The following ARMC9 variants were observed in gnomAD, a reference collection of about 807,000 sequenced individuals.
ARMC9 encodes lisH domain-containing protein ARMC9.
Under a neutral mutation model 107.0 loss-of-function variants are expected in ARMC9, and 94 were observed. That is an observed-to-expected ratio of 0.88 (90% CI 0.74 to 1.04). The LOEUF is 1.04. ARMC9 is among the 50% of genes least tolerant of loss of function. ARMC9 has a pLI of 0.00. For synonymous variants in ARMC9, 380 were observed against 396.9 expected (o/e 0.96, Z 0.51); for missense variants, 942 against 1,030.1 (o/e 0.91, Z 1.17).
At chr2:231,251,839 C>T (rs187920693) in intron 9 of ARMC9, among the ~76,000 whole-genome samples, 199 of 152,272 alleles carry the variant, frequency 1.3e-3, no homozygotes, top group African/African-American at 4.3e-3. Flanking sequence ...GATCCTTCCA[C>T]CTCAGCCTCC....
Position 231,262,306 on chromosome 2 carries a change from C to T in ARMC9, c.1027C>T (p.Arg343Cys), listed in dbSNP as rs759799287. 7.2e-5 allele frequency: 116 copies of T among 1,613,968 alleles called. No individual in the cohort carries two copies. The highest frequency in any genetic ancestry group is 4.3e-4 in the Admixed American group (26 of 60,004). ...KAFLLQALRW[R>C]LTTSHPGEQR... is the part of the protein sequence containing the mutation. ...CTACTTTTGTTTTTCTTTGCTCCAG[C>T]GCTTGACCACATCCCATCCTGGAGA... The change falls in exon 12 of 25, where the codon CGC (arginine) becomes TGC (cysteine). Residue 343 changes from arginine to cysteine, a missense_variant and splice_region_variant. Coordinates refer to ENST00000611582, the MANE Select transcript of ARMC9 (RefSeq NM_001352754.2).
intron 14 of ARMC9, among the ~76,000 whole-genome samples, chr2:231,275,525 A>G (rs2039682957): frequency 6.6e-6 from 1 of 152,222 alleles, no homozygotes; most frequent in Non-Finnish European, 1.5e-5. Flanking sequence ...TGCATTAACC[A>G]GGTCATTAAA....
At chr2:231,298,223 A>T (rs1574995219) in intron 19 of ARMC9, among the ~76,000 whole-genome samples, 2 of 152,276 alleles carry the variant, frequency 1.3e-5, no homozygotes, top group South Asian at 4.1e-4. Context: ...GCCAAATGGG[A>T]CTCTGTGATG....
chr2:231,224,119 A>T (rs2125336734), intron 6 of ARMC9, among the ~76,000 whole-genome samples: 1 of 152,326 alleles, frequency 6.6e-6, no homozygotes, highest in East Asian at 1.9e-4. Flanking sequence ...ATGGTAAATT[A>T]TATTAGTTAT....
intron 19 of ARMC9, among the ~76,000 whole-genome samples, chr2:231,298,997 A>G (rs146885874): frequency 2.0e-5 from 3 of 152,262 alleles, no homozygotes; most frequent in African/African-American, 4.8e-5. Flanking sequence ...CTCACTCTAA[A>G]TCACATTGAG....
chr2:231,214,829 A>G lies in ARMC9; in HGVS notation c.178-2A>G, dbSNP rs1248147660. The G allele has an allele frequency of 1.2e-6, 2 of 1,613,848 alleles. No homozygotes were observed. Among genetic ancestry groups the G allele is most frequent in the Non-Finnish European group, 1.7e-6 (2 of 1,179,824 alleles). On this transcript the variant is annotated splice_acceptor_variant, in intron 3 of 24. Transcript: ENST00000611582. LOFTEE classifies it high-confidence loss of function. ...GTATGTAGTCTGATGTCTTCTCCACAGAAGGATCTTGTCGCTGCATTTGAC... is the reference window on the plus strand; with the variant it reads ...GTATGTAGTCTGATGTCTTCTCCACGGAAGGATCTTGTCGCTGCATTTGAC...
chr2:231,263,494 T>C (rs1009983698), intron 12 of ARMC9, among the ~76,000 whole-genome samples: 1 of 152,192 alleles, frequency 6.6e-6, no homozygotes, highest in Non-Finnish European at 1.5e-5. Flanking sequence ...GCACAATAAC[T>C]AACCCACTCC....
chr2:231,264,791 C>G (rs1421822595), intron 12 of ARMC9, among the ~76,000 whole-genome samples: 1 of 152,156 alleles, frequency 6.6e-6, no homozygotes, highest in Non-Finnish European at 1.5e-5. Flanking sequence ...GCCACTGTGC[C>G]CAGCCTGGTT....
At chr2:231,243,017 C>T (rs1051993009) in intron 9 of ARMC9, among the ~76,000 whole-genome samples, 33 of 151,984 alleles carry the variant, frequency 2.2e-4, no homozygotes, top group Admixed American at 2.2e-3. Flanking sequence ...GAGGCCGAGG[C>T]GGGCAGATGA....
rs2046039419 is a variant in ARMC9 at position 231,372,037 on chromosome 2, C to G, written c.*502C>G. The G allele has an allele frequency of 6.5e-6, 1 of 154,354 alleles. No homozygotes were observed. The highest frequency in any genetic ancestry group is 6.5e-5 in the Admixed American group (1 of 15,328). 9.6% of individuals were successfully genotyped at this position (154,354 alleles called of 1,614,324 possible). A position where few individuals can be genotyped will look rare whatever the true frequency, so the allele number is the denominator to read the frequency against. On this transcript the variant is annotated 3_prime_UTR_variant, in exon 25 of 25. Transcript: ENST00000611582. ...TCATTTTATTCTCAAGCCTGCGTCT[C>G]AGCAGCAAAGTTGGTGTTTTCTTCC...
intron 23 of ARMC9, among the ~76,000 whole-genome samples, chr2:231,365,808 T>C (rs1315611998): frequency 1.4e-5 from 2 of 147,322 alleles, no homozygotes; most frequent in Non-Finnish European, 1.5e-5. Flanking sequence ...TTTCTTTTTC[T>C]TTTTTTTTGA....
intron 3 of ARMC9, among the ~76,000 whole-genome samples, chr2:231,211,313 G>C (rs2032828108): frequency 6.6e-6 from 1 of 151,478 alleles, no homozygotes; most frequent in African/African-American, 2.4e-5. Context: ...CTGAGGTCAG[G>C]AGTTCAAGCC....
At chr2:231,369,449 T>C (rs1288624951) in intron 23 of ARMC9, among the ~76,000 whole-genome samples, 1 of 151,510 alleles carries the variant, frequency 6.6e-6, no homozygotes, top group African/African-American at 2.4e-5. Flanking sequence ...TCTGCCACCA[T>C]GCCTGGGTAA....
chr2:231,206,428 C>G (rs1292071475), intron 2 of ARMC9, 139 bp downstream of exon 2: 1 of 714,248 alleles, frequency 1.4e-6, no homozygotes, highest in African/African-American at 1.9e-5. Flanking sequence ...ATATAATATT[C>G]CATGTATTTA....
chr2:231,310,806 G>A (rs563979787), intron 19 of ARMC9, among the ~76,000 whole-genome samples: 4 of 151,624 alleles, frequency 2.6e-5, no homozygotes, highest in African/African-American at 4.8e-5. Context: ...AAGGGGAAAA[G>A]CAGAGTAAGT....
chr2:231,291,934 C>T (rs908839622), intron 18 of ARMC9, among the ~76,000 whole-genome samples: 1 of 151,532 alleles, frequency 6.6e-6, no homozygotes, highest in Non-Finnish European at 1.5e-5. Context: ...TTTGAGAGGC[C>T]GAGGCAGGCA....
chr2:231,322,160 G>A (rs545728672), intron 19 of ARMC9, among the ~76,000 whole-genome samples: 138 of 152,358 alleles, frequency 9.1e-4, no homozygotes, highest in African/African-American at 3.0e-3. Context: ...AGACTTCTCC[G>A]CGTCGCGGGG....
At chr2:231,213,676 C>T (rs897752042) in intron 3 of ARMC9, among the ~76,000 whole-genome samples, 1 of 152,020 alleles carries the variant, frequency 6.6e-6, no homozygotes, top group Non-Finnish European at 1.5e-5. Context: ...AGGGTTTCAT[C>T]ATGTTGATCA....
At position 231,224,628 on chromosome 2, in the gene ARMC9, C is replaced by G. The variant is rs2034470706; in HGVS notation, c.597+1808C>G. The stretch of plus-strand genomic sequence containing the variant: ...GTCACCTTTCATCCTGTTCCACATG[C>G]TTTGAAGCATATGCTGAAATATAGC... On this transcript the variant is annotated intron_variant, in intron 6 of 24. Coordinates refer to ENST00000611582, the MANE Select transcript of ARMC9 (RefSeq NM_001352754.2). 3.9e-5 allele frequency among the ~76,000 whole-genome samples: 6 copies of G among 152,282 alleles called. No individual in the cohort carries two copies. In the South Asian group the frequency reaches 1.2e-3, roughly 32 times the overall value.
Sources: allele counts gnomAD v4.1 joint callset (sites outside exome capture counted in the v4.1 genomes callset), GRCh38; gene constraint gnomAD v4.1.1; transcripts MANE v1.5; gene names NCBI Gene and HGNC (gene_info 2026-07-23, HGNC 2026-07-21).